Variants in PTPRG observed in about 807,000 individuals in gnomAD.
PTPRG encodes the protein protein tyrosine phosphatase receptor type G, also known as receptor-type tyrosine-protein phosphatase gamma.
A neutral mutation model predicts 165.3 loss-of-function variants in PTPRG; 102 were observed. The observed-to-expected ratio is 0.62, with a 90% CI of 0.53 to 0.73. The LOEUF (loss-of-function observed/expected upper bound fraction) is 0.73. PTPRG is among the 30% of genes least tolerant of loss of function. The pLI is 0.00. For synonymous variants in PTPRG, 675 were observed against 669.5 expected (o/e 1.01, Z -0.13); for missense variants, 1,866 against 1,861.4 (o/e 1.00, Z -0.05).
chr3:61,763,373 G>T (rs1236277468), intron 2 of PTPRG, among the ~76,000 whole-genome samples: 2 of 152,014 alleles, frequency 1.3e-5, no homozygotes, highest in African/African-American at 2.4e-5. Flanking sequence ...AAGTAGCTGG[G>T]ATTACAGGCG....
intron 2 of PTPRG, among the ~76,000 whole-genome samples, chr3:61,892,183 T>C (rs1340548750): frequency 1.3e-5 from 2 of 152,198 alleles, no homozygotes; most frequent in Non-Finnish European, 2.9e-5. Flanking sequence ...TCCATTCAAC[T>C]AGTTCAAGTA....
intron 2 of PTPRG, among the ~76,000 whole-genome samples, chr3:61,809,969 T>G (rs72880449): frequency 0.03 from 4,551 of 152,210 alleles, 212 homozygotes; most frequent in African/African-American, 0.1. Context: ...TCAGGTGTGT[T>G]CTTGGAATTG....
At chr3:61,593,921 C>G (rs551382357) in intron 1 of PTPRG, among the ~76,000 whole-genome samples, 3 of 152,210 alleles carry the variant, frequency 2.0e-5, no homozygotes, top group Non-Finnish European at 4.4e-5. Flanking sequence ...AACGAATTCT[C>G]TTTTTTCCTT....
In PTPRG at chr3:62,222,239, G is replaced by A. The variant is rs1028881158; in HGVS notation, c.2288+3256G>A. On this transcript the variant is annotated intron_variant, in intron 13 of 29. Transcript: ENST00000474889. This position sits in a 1 kb window ranked among gnomAD's most constrained non-coding sequence, Gnocchi z 4.5. Reference sequence around the variant, plus strand: ...AAAGTTTGATTCATGGAATTGAGAAGTTCAGGAGCATTGGGCCTGGCTGAA... The same window carrying A: ...AAAGTTTGATTCATGGAATTGAGAAATTCAGGAGCATTGGGCCTGGCTGAA... 2.0e-5 allele frequency among the ~76,000 whole-genome samples: 3 copies of A among 152,232 alleles called. No homozygotes were observed. The highest frequency in any genetic ancestry group is 2.9e-5 in the Non-Finnish European group (2 of 68,046).
At chr3:61,860,434 C>CTTTTTTTT (rs766688465) in intron 2 of PTPRG, among the ~76,000 whole-genome samples, 13 of 95,528 alleles carry the variant, frequency 1.4e-4, no homozygotes, top group Non-Finnish European at 1.8e-4. Context: ...GTTTTTGTTC[C>CTTTTTTTT]TTTTTTTTTT....
At chr3:61,623,210 G>A (rs1701510564) in intron 1 of PTPRG, among the ~76,000 whole-genome samples, 1 of 152,190 alleles carries the variant, frequency 6.6e-6, no homozygotes, top group South Asian at 2.1e-4. Flanking sequence ...GCAGGAATCA[G>A]GACAGTGGGA....
Position 62,092,439 on chromosome 3 carries a change from G to GGAAAAAAAAAAAA in PTPRG, c.615+14181_615+14182insGAAAAAAAAAAAA, listed in dbSNP as rs369183881. Among the ~76,000 whole-genome samples, 47 of 89,422 alleles carry GGAAAAAAAAAAAA rather than the reference G, an allele frequency of 5.3e-4. No homozygotes were observed. In the East Asian group the frequency reaches 6.0e-3, roughly 11 times the overall value. 58.7% of individuals were successfully genotyped at this position (89,422 alleles called of 152,430 possible). ...TGGGCAACAGAGCAAGAGTCCATCT[G>GGAAAAAAAAAAAA]AAAAAAAAAAAAAAAAAAAAGAAAA... On this transcript the variant is annotated intron_variant, in intron 5 of 29. Coordinates refer to ENST00000474889, the MANE Select transcript of PTPRG (RefSeq NM_002841.4).
At chr3:62,234,252 T>G (rs539977486) in intron 14 of PTPRG, among the ~76,000 whole-genome samples, 1 of 152,346 alleles carries the variant, frequency 6.6e-6, no homozygotes, top group East Asian at 1.9e-4. Context: ...TCATTTTGAT[T>G]GTTCTCCGTC....
At chr3:61,728,241 T>C (rs1426362964) in intron 1 of PTPRG, among the ~76,000 whole-genome samples, 1 of 152,118 alleles carries the variant, frequency 6.6e-6, no homozygotes, top group Non-Finnish European at 1.5e-5. Context: ...CTTGAGCAAG[T>C]CTGGTGCTTA....
intron 1 of PTPRG, among the ~76,000 whole-genome samples, chr3:61,599,532 G>A (rs1174424487): frequency 6.6e-6 from 1 of 152,000 alleles, no homozygotes; most frequent in Non-Finnish European, 1.5e-5. Flanking sequence ...TAGCTCTGTC[G>A]TCCAGGCTGA....
chr3:62,289,941 C>T (rs987687076), intron 28 of PTPRG, among the ~76,000 whole-genome samples: 9 of 152,068 alleles, frequency 5.9e-5, no homozygotes, highest in Admixed American at 4.6e-4. Flanking sequence ...AGGGAAAGTT[C>T]GCATTATTGG....
chr3:61,901,841 G>T (rs1367998376), intron 2 of PTPRG, among the ~76,000 whole-genome samples: 29 of 152,120 alleles, frequency 1.9e-4, no homozygotes, highest in Non-Finnish European at 3.2e-4. Flanking sequence ...TTGTAACATT[G>T]ATATCACTGC....
At chr3:61,746,302 C>T (rs1225607277) in intron 1 of PTPRG, among the ~76,000 whole-genome samples, 1 of 150,266 alleles carries the variant, frequency 6.7e-6, no homozygotes, top group Non-Finnish European at 1.5e-5. Context: ...CACTGCAAGC[C>T]CCGCCTCCCA....
chr3:61,951,360 C>T (rs1368763086), intron 2 of PTPRG, among the ~76,000 whole-genome samples: 1 of 152,194 alleles, frequency 6.6e-6, no homozygotes, highest in Non-Finnish European at 1.5e-5. Context: ...GTAATAATCT[C>T]ATCCTTTCAA....
At chr3:61,728,874 C>CAAA (rs3032404) in intron 1 of PTPRG, among the ~76,000 whole-genome samples, 1 of 103,006 alleles carries the variant, frequency 9.7e-6, no homozygotes, top group African/African-American at 3.5e-5. Flanking sequence ...TAATCTGTAC[C>CAAA]AAAAAAAAAA....
Position 61,562,159 on chromosome 3 carries a change from A to C in PTPRG, c.-129A>C. The C allele has an allele frequency of 1.9e-4, 117 of 607,672 alleles. No homozygotes were observed. Among genetic ancestry groups the C allele is most frequent in the Middle Eastern group, 5.5e-4 (1 of 1,816 alleles). The allele number at this position is 607,672 out of a possible 1,614,324, so 37.6% of individuals were successfully genotyped here. A position where few individuals can be genotyped will look rare whatever the true frequency, so the allele number is the denominator to read the frequency against. ...GATTCCAAGGGGACTCGGGCCGCCG[A>C]GCGCGGGGGGCCCGTGGAGCGGGCG... On this transcript the variant is annotated 5_prime_UTR_variant, in exon 1 of 30. Transcript: ENST00000474889.
intron 2 of PTPRG, among the ~76,000 whole-genome samples, chr3:61,833,093 G>GTGTGTC (rs983531095): frequency 3.3e-5 from 5 of 151,910 alleles, no homozygotes; most frequent in Non-Finnish European, 5.9e-5. Context: ...GTGTGTGTGT[G>GTGTGTC]TGTACACAGT....
intron 4 of PTPRG, among the ~76,000 whole-genome samples, chr3:62,017,626 G>A (rs1433884890): frequency 6.8e-6 from 1 of 147,014 alleles, no homozygotes; most frequent in African/African-American, 2.5e-5. Context: ...GGGTTTCACC[G>A]TGTTAGCCAG....
chr3:61,743,918 C>T (rs1231433480), intron 1 of PTPRG, among the ~76,000 whole-genome samples: 1 of 152,136 alleles, frequency 6.6e-6, no homozygotes, highest in Non-Finnish European at 1.5e-5. Context: ...AGGTGAGGAT[C>T]CGTAAAGGCA....
Sources: gnomAD v4.1 joint callset for allele counts (sites outside exome capture counted in the v4.1 genomes callset) on GRCh38, gnomAD v4.1.1 for gene constraint, Gnocchi (gnomAD v3.1) non-coding constraint, MANE v1.5 for transcripts, NCBI Gene and HGNC (gene_info 2026-07-23, HGNC 2026-07-21) for gene names.